Variants in ST8SIA1 observed in about 807,000 individuals in gnomAD.
The protein encoded by ST8SIA1 is alpha-N-acetylneuraminide alpha-2,8-sialyltransferase.
In ST8SIA1, 16 loss-of-function variants were observed where a neutral mutation model predicts 35.9. The observed-to-expected ratio is 0.45, with a 90% confidence interval of 0.30 to 0.68. ST8SIA1 has a LOEUF of 0.68. ST8SIA1 is among the 30% of genes least tolerant of loss of function. The probability of loss-of-function intolerance (pLI) is 0.09; values close to 1 mark genes in which losing one functional copy is unlikely to be tolerated. For missense variants in ST8SIA1, 383 were observed against 453.6 expected (o/e 0.84, Z 1.41); for synonymous variants, 170 against 169.6 (o/e 1.00, Z -0.02).
At chr12:22,246,784 G>A (rs769984389) in intron 4 of ST8SIA1, among the ~76,000 whole-genome samples, 2 of 152,094 alleles carry the variant, frequency 1.3e-5, no homozygotes, top group Non-Finnish European at 2.9e-5. Flanking sequence ...CCACATCACA[G>A]GTTTCTTCTT....
intron 2 of ST8SIA1, among the ~76,000 whole-genome samples, chr12:22,259,287 G>A (rs1312291214): frequency 7.0e-6 from 1 of 141,960 alleles, no homozygotes; most frequent in East Asian, 2.0e-4. Context: ...CAAAAGTCCA[G>A]GGGTTTTTTT....
At chr12:22,273,263 C>T (rs933937066) in intron 2 of ST8SIA1, among the ~76,000 whole-genome samples, 3 of 152,202 alleles carry the variant, frequency 2.0e-5, no homozygotes, top group Non-Finnish European at 4.4e-5. Context: ...TTGATCCCCA[C>T]CGTTCACCTA....
At chr12:22,302,316 A>T (rs1178715878) in intron 1 of ST8SIA1, among the ~76,000 whole-genome samples, 1 of 152,170 alleles carries the variant, frequency 6.6e-6, no homozygotes, top group Non-Finnish European at 1.5e-5. Context: ...CTGCTAACTG[A>T]ATTTAGACAA....
At chr12:22,266,214 G>C (rs1289522556) in intron 2 of ST8SIA1, among the ~76,000 whole-genome samples, 1 of 151,578 alleles carries the variant, frequency 6.6e-6, no homozygotes, top group Non-Finnish European at 1.5e-5. Context: ...GGGTCTGCAG[G>C]TACAGTGTCC....
At position 22,256,520 on chromosome 12, in the gene ST8SIA1, C is replaced by T. The variant is rs142227928; in HGVS notation, c.382-1131G>A. 3.0e-3 allele frequency among the ~76,000 whole-genome samples: 459 copies of T among 152,274 alleles called. 3 individuals are homozygous for T. Among genetic ancestry groups the T allele is most frequent in the African/African-American group, 0.011 (447 of 41,552 alleles). On this transcript the variant is annotated intron_variant, in intron 2 of 4. Coordinates refer to ENST00000396037, the MANE Select transcript of ST8SIA1 (RefSeq NM_003034.4). ...TCAAAAATAACCACCCTACATGAAT[C>T]TCAAGCAAATAATATGGGTTATTCC...
At chr12:22,322,180 C>T (rs1866610640) in intron 1 of ST8SIA1, among the ~76,000 whole-genome samples, 2 of 152,136 alleles carry the variant, frequency 1.3e-5, no homozygotes, top group African/African-American at 4.8e-5. Flanking sequence ...TACAGGCAGA[C>T]ACAGCTAAGT....
At chr12:22,206,265 T>G (rs1865108692) in intron 4 of ST8SIA1, among the ~76,000 whole-genome samples, 1 of 152,104 alleles carries the variant, frequency 6.6e-6, no homozygotes, top group African/African-American at 2.4e-5. Context: ...AACAGACAGT[T>G]TACCAAAGGA....
At position 22,240,721 on chromosome 12, in the gene ST8SIA1, T is replaced by C. The variant is rs114876056; in HGVS notation, c.584+8285A>G. 7.0e-3 allele frequency among the ~76,000 whole-genome samples: 1,064 copies of C among 152,184 alleles called. 9 individuals are homozygous for C. Among genetic ancestry groups the C allele is most frequent in the African/African-American group, 0.024 (979 of 41,528 alleles). On this transcript the variant is annotated intron_variant, in intron 4 of 4. Transcript: ENST00000396037. Reference sequence around the variant, plus strand: ...AAAAGCACACTAATAACATAAACAATTGTTCCCCCTGCGATTATCTCTACA... The same window carrying C: ...AAAAGCACACTAATAACATAAACAACTGTTCCCCCTGCGATTATCTCTACA...
rs528867813 is a variant in ST8SIA1, at chr12:22,247,591, T to C, written c.584+1415A>G. 4.9e-4 allele frequency among the ~76,000 whole-genome samples: 75 copies of C among 152,228 alleles called. 1 individual carries two copies. The highest frequency in any genetic ancestry group is 1.7e-3 in the African/African-American group (72 of 41,556). On this transcript the variant is annotated intron_variant, in intron 4 of 4. Transcript: ENST00000396037. Reference sequence around the variant, plus strand: ...ACAAAAATAAATACATTTACATGGATTACATTTCTAAATATATACTATAAA... The same window carrying C: ...ACAAAAATAAATACATTTACATGGACTACATTTCTAAATATATACTATAAA...
intron 1 of ST8SIA1, among the ~76,000 whole-genome samples, chr12:22,297,151 G>T (rs953127618): frequency 1.1e-4 from 17 of 151,962 alleles, no homozygotes; most frequent in African/African-American, 4.1e-4. Flanking sequence ...GATTATGTCT[G>T]TGAAAGATGG....
At chr12:22,304,660 G>A (rs997617388) in intron 1 of ST8SIA1, among the ~76,000 whole-genome samples, 1 of 152,186 alleles carries the variant, frequency 6.6e-6, no homozygotes, top group Non-Finnish European at 1.5e-5. Flanking sequence ...TTTTTAGGGA[G>A]AGTGTAGTTT....
At chr12:22,292,209 A>G (rs1192106141) in intron 1 of ST8SIA1, among the ~76,000 whole-genome samples, 4 of 152,226 alleles carry the variant, frequency 2.6e-5, no homozygotes, top group Admixed American at 6.5e-5. Flanking sequence ...AAAAAGTTCC[A>G]TGAGGAATAA....
intron 2 of ST8SIA1, among the ~76,000 whole-genome samples, chr12:22,260,877 T>G (rs907133897): frequency 3.1e-5 from 4 of 129,994 alleles, no homozygotes; most frequent in South Asian, 3.1e-4. Flanking sequence ...AGTTGTTGTT[T>G]TTTTTTTTTT....
chr12:22,246,090 A>C (rs1458052425), intron 4 of ST8SIA1, among the ~76,000 whole-genome samples: 1 of 152,152 alleles, frequency 6.6e-6, no homozygotes, highest in Non-Finnish European at 1.5e-5. Flanking sequence ...TCAAACCCAT[A>C]AAGAGAGTTG....
At chr12:22,320,400 G>A (rs1183771678) in intron 1 of ST8SIA1, among the ~76,000 whole-genome samples, 3 of 152,168 alleles carry the variant, frequency 2.0e-5, no homozygotes, top group Admixed American at 1.3e-4. Context: ...GCACCACCCA[G>A]CTGATTTATA....
At chr12:22,227,871 G>C (rs932084238) in intron 4 of ST8SIA1, among the ~76,000 whole-genome samples, 2 of 152,162 alleles carry the variant, frequency 1.3e-5, no homozygotes, top group Non-Finnish European at 2.9e-5. Flanking sequence ...TTGCTAAACT[G>C]AGGGAAGATC....
rs760944051 is a variant in ST8SIA1 at position 22,287,205 on chromosome 12, C to T, written c.325G>A (p.Gly109Arg). 6 of 1,613,932 alleles carry T rather than the reference C, an allele frequency of 3.7e-6. No homozygotes were observed. The highest frequency in any genetic ancestry group is 3.3e-5 in the South Asian group (3 of 91,072). The change falls in exon 2 of 5, where the codon GGG becomes AGG. Residue 109 changes from glycine to arginine, a missense_variant. By Grantham distance (125) the Gly-to-Arg change is moderately radical. Transcript: ENST00000396037. ...ATGGTGAATGAGTATAAAAACTCCC[C>T]GTCATACCACATGCTCTTCCCCATA... ...SPMGKSMWYD[G>R]EFLYSFTIDN...
rs770055402 is a variant in ST8SIA1, at chr12:22,334,225, G to C, written c.8C>G (p.Pro3Arg). 1.2e-6 allele frequency: 2 copies of C among 1,611,310 alleles called. No individual in the cohort carries two copies. Among genetic ancestry groups the C allele is most frequent in the Non-Finnish European group, 1.7e-6 (2 of 1,178,938 alleles). Residue 3 changes from proline (P) to arginine (R), a missense_variant, in exon 1 of 5, where the codon CCC (proline) becomes CGC (arginine). Transcript: ENST00000396037. MS[P>R]CGRARRQTSR... The stretch of plus-strand genomic sequence containing the variant: ...CGTTTGTCGCCGGGCCCGCCCGCAG[G>C]GGCTCATCGCAGCCCCGGCGTCCCA...
chr12:22,249,509 T>C (rs200342664), intron 3 of ST8SIA1, among the ~76,000 whole-genome samples: 131 of 152,234 alleles, frequency 8.6e-4, no homozygotes, highest in East Asian at 5.8e-3. Flanking sequence ...CGTGAGCCAC[T>C]GCACCCAGCC....
Sources: allele counts gnomAD v4.1 joint callset (sites outside exome capture counted in the v4.1 genomes callset), GRCh38; gene constraint gnomAD v4.1.1; transcripts MANE v1.5; gene names NCBI Gene and HGNC (gene_info 2026-07-23, HGNC 2026-07-21).